Variants in MCOLN2 observed in about 807,000 individuals in gnomAD.
The protein encoded by MCOLN2 is mucolipin-2.
A neutral mutation model predicts 67.5 loss-of-function variants in MCOLN2; 57 were observed. The ratio of observed to expected loss-of-function variants is 0.84; its 90% CI spans 0.68 to 1.05. The LOEUF (loss-of-function observed/expected upper bound fraction) is 1.05, where lower values mean the gene tolerates loss of function less well. MCOLN2 is among the 50% of genes least tolerant of loss of function. The pLI is 0.00. For missense variants in MCOLN2, 620 were observed against 678.8 expected, an observed-to-expected ratio of 0.91 and a Z score of 0.96; for synonymous variants, 246 against 233.3, an observed-to-expected ratio of 1.05 and a Z score of -0.50.
chr1:84,989,297 T>C (rs1650765576), intron 1 of MCOLN2, among the ~76,000 whole-genome samples: 2 of 152,184 alleles, frequency 1.3e-5, no homozygotes, highest in South Asian at 2.1e-4. Context: ...ATTAATAACA[T>C]GATAAAAATA....
chr1:84,974,697 C>T (rs1436554236), intron 1 of MCOLN2, among the ~76,000 whole-genome samples: 1 of 152,176 alleles, frequency 6.6e-6, no homozygotes, highest in South Asian at 2.1e-4. Flanking sequence ...TCAGGTTCAT[C>T]TCGGCTATTG....
chr1:84,987,546 A>G (rs1364598188), intron 1 of MCOLN2, among the ~76,000 whole-genome samples: 2 of 99,004 alleles, frequency 2.0e-5, no homozygotes, highest in Non-Finnish European at 1.9e-5. Flanking sequence ...GTATACATAG[A>G]TGTATACATC....
intron 1 of MCOLN2, among the ~76,000 whole-genome samples, chr1:84,980,125 A>G (rs943728872): frequency 1.4e-4 from 22 of 152,166 alleles, no homozygotes; most frequent in African/African-American, 4.8e-4. Flanking sequence ...GAAGTGAAAG[A>G]TCTCTATAAT....
intron 12 of MCOLN2, 93 bp downstream of exon 12, chr1:84,931,269 G>T: frequency 1.2e-6 from 1 of 840,482 alleles, no homozygotes; most frequent in Non-Finnish European, 1.9e-6. Flanking sequence ...AATCTGAACT[G>T]TAATATTTTA....
At chr1:84,961,957 T>G (rs1344444580) in intron 2 of MCOLN2, among the ~76,000 whole-genome samples, 1 of 152,110 alleles carries the variant, frequency 6.6e-6, no homozygotes, top group Non-Finnish European at 1.5e-5. Context: ...ACTGCACAAT[T>G]CAGAGCAGGA....
chr1:84,926,605 T>G lies in MCOLN2; in HGVS notation c.*80A>C. 1 of 1,053,150 alleles carries G rather than the reference T, an allele frequency of 9.5e-7. No individual in the cohort carries two copies. The allele number at this position is 1,053,150 out of a possible 1,614,324, so 65.2% of individuals were successfully genotyped here. A position where few individuals can be genotyped will look rare whatever the true frequency, so the allele number is the denominator to read the frequency against. ...TTAAATAAGAGAGTCATTTTGGAACTGCTTGTCCAAGTCATTTGGGGTTCC... is the reference window on the plus strand; with the variant it reads ...TTAAATAAGAGAGTCATTTTGGAACGGCTTGTCCAAGTCATTTGGGGTTCC... On this transcript the variant is annotated 3_prime_UTR_variant, in exon 14 of 14. Transcript: ENST00000370608.
chr1:84,931,341 C>A, intron 12 of MCOLN2, 21 bp downstream of exon 12: 4 of 1,410,476 alleles, frequency 2.8e-6, no homozygotes, highest in Non-Finnish European at 4.0e-6. Context: ...TTTTTGGCAG[C>A]AAATTTTGAT....
intron 1 of MCOLN2, among the ~76,000 whole-genome samples, chr1:84,980,797 A>T (rs1650216567): frequency 6.6e-6 from 1 of 152,218 alleles, no homozygotes; most frequent in Non-Finnish European, 1.5e-5. Context: ...CAAAGCAAAC[A>T]TGAACGAATG....
intron 1 of MCOLN2, among the ~76,000 whole-genome samples, chr1:84,983,022 T>A (rs1650336236): frequency 6.7e-6 from 1 of 148,414 alleles, no homozygotes; most frequent in African/African-American, 2.5e-5. Context: ...CCGGAAGAAT[T>A]TTTTTTTTTT....
chr1:84,941,565 T>C (rs1030932), intron 7 of MCOLN2, among the ~76,000 whole-genome samples: 84,900 of 152,096 alleles, frequency 0.56, 24,077 homozygotes, highest in East Asian at 0.74. Flanking sequence ...CACTCAAATT[T>C]ATATATAAAT....
chr1:84,938,222 A>G (rs376908296), intron 9 of MCOLN2, 140 bp from the exon 10 acceptor site: 1 of 464,944 alleles, frequency 2.2e-6, no homozygotes, highest in Non-Finnish European at 3.8e-6. Context: ...TTGAAGAAAA[A>G]AAAGAAGAAA....
intron 1 of MCOLN2, among the ~76,000 whole-genome samples, chr1:84,990,649 G>T (rs1650846736): frequency 1.3e-5 from 2 of 152,132 alleles, no homozygotes; most frequent in Non-Finnish European, 2.9e-5. Context: ...TGGGCATGGT[G>T]GCTTAGGCCT....
intron 2 of MCOLN2, among the ~76,000 whole-genome samples, chr1:84,963,574 T>C (rs1649207121): frequency 6.6e-6 from 1 of 152,216 alleles, no homozygotes; most frequent in African/African-American, 2.4e-5. Flanking sequence ...AGGGGCCTCC[T>C]GGTGACAGGT....
At chr1:84,967,082 C>T (rs777999329) in intron 1 of MCOLN2, among the ~76,000 whole-genome samples, 31 of 152,120 alleles carry the variant, frequency 2.0e-4, no homozygotes, top group Admixed American at 9.2e-4. Context: ...CTGTTGGGTA[C>T]ATAATCAACA....
rs1369453751 is a variant in MCOLN2 at position 84,939,698 on chromosome 1, A to T, written c.965T>A (p.Phe322Tyr). The T allele has an allele frequency of 6.2e-7, 1 of 1,613,906 alleles. No homozygotes were observed. Among genetic ancestry groups the T allele is most frequent in the Admixed American group, 1.7e-5 (1 of 59,938 alleles). The stretch of plus-strand genomic sequence containing the variant: ...GTACTTCTCCAGGAAGAAATTTAGA[A>T]ATCTCTATGGCAAACATTTAAAGAA... ...IVLALRLRKR[F>Y]LNFFLEKYKR... Residue 322 changes from phenylalanine (F) to tyrosine (Y), a missense_variant, in exon 9 of 14, where the codon TTT becomes TAT. By Grantham distance (22) the Phe-to-Tyr change is conservative (BLOSUM62 3). Transcript: ENST00000370608.
At chr1:84,958,416 C>A in intron 3 of MCOLN2, 113 bp downstream of exon 3, 1 of 845,284 alleles carries the variant, frequency 1.2e-6, no homozygotes, top group South Asian at 2.2e-5. Context: ...TGGCAGACTG[C>A]AAAACTTACA....
intron 11 of MCOLN2, 55 bp from the exon 12 acceptor site, chr1:84,931,623 G>C: frequency 7.1e-7 from 1 of 1,415,442 alleles, no homozygotes; most frequent in Non-Finnish European, 1.0e-6. Context: ...AAAAGCAGAG[G>C]ATATCTAGTT....
intron 6 of MCOLN2, among the ~76,000 whole-genome samples, chr1:84,950,499 T>G (rs913618668): frequency 1.4e-4 from 21 of 152,352 alleles, no homozygotes; most frequent in Middle Eastern, 3.4e-3. Flanking sequence ...AAGAGCTACA[T>G]ATAATGTTTT....
intron 11 of MCOLN2, among the ~76,000 whole-genome samples, chr1:84,936,861 C>T (rs1372902834): frequency 6.6e-6 from 1 of 152,206 alleles, no homozygotes; most frequent in Non-Finnish European, 1.5e-5. Flanking sequence ...GGAAGGAATA[C>T]TTACCATTTT....
Sources: gnomAD v4.1 joint callset for allele counts (sites outside exome capture counted in the v4.1 genomes callset) on GRCh38, gnomAD v4.1.1 for gene constraint, MANE v1.5 for transcripts, NCBI Gene and HGNC (gene_info 2026-07-23, HGNC 2026-07-21) for gene names.